CNIH3: variants seen among roughly 807,000 people sequenced by gnomAD.
CNIH3 encodes the protein protein cornichon homolog 3.
In CNIH3, 14 loss-of-function variants were observed where a neutral mutation model predicts 24.1. The ratio of observed to expected loss-of-function variants is 0.58; its 90% CI spans 0.38 to 0.91. The LOEUF is 0.91. Ranked by LOEUF, CNIH3 falls within the 40% of genes least tolerant of loss-of-function variation. The pLI, the probability that CNIH3 is intolerant of heterozygous loss-of-function variation, is 0.00. For synonymous variants in CNIH3, 68 were observed against 73.8 expected (o/e 0.92, Z 0.40); for missense variants, 178 against 196.8 (o/e 0.90, Z 0.57).
upstream of CNIH3, among the ~76,000 whole-genome samples, chr1:224,614,785 A>G (rs1682866311): frequency 6.6e-6 from 1 of 152,018 alleles, no homozygotes; most frequent in African/African-American, 2.4e-5. Context: ...CGTCTTTACT[A>G]AAAATACAAA....
chr1:224,503,846 G>A (rs1291115389), intron 1 of CNIH3, among the ~76,000 whole-genome samples: 2 of 152,244 alleles, frequency 1.3e-5, no homozygotes, highest in African/African-American at 4.8e-5. Flanking sequence ...GCTCGGGCAC[G>A]CTGTGCTGTA....
intron 1 of CNIH3, among the ~76,000 whole-genome samples, chr1:224,467,948 C>A (rs1048792949): frequency 6.6e-6 from 1 of 150,634 alleles, no homozygotes; most frequent in African/African-American, 2.4e-5. Context: ...AAGGGCCGTC[C>A]TTCCTCTATT....
chr1:224,473,281 T>C (rs192415551), intron 1 of CNIH3, among the ~76,000 whole-genome samples: 2 of 151,750 alleles, frequency 1.3e-5, no homozygotes, highest in African/African-American at 4.8e-5. Flanking sequence ...GAGAAGACCA[T>C]AAAACAACCA....
At chr1:224,551,490 C>A (rs576011579) in intron 3 of CNIH3, among the ~76,000 whole-genome samples, 2 of 152,086 alleles carry the variant, frequency 1.3e-5, no homozygotes, top group Non-Finnish European at 2.9e-5. Flanking sequence ...TATGTAATCA[C>A]CGAATATTAT....
chr1:224,437,674 G>A (rs61590597), intron 1 of CNIH3, among the ~76,000 whole-genome samples: 14,163 of 152,208 alleles, frequency 0.093, 2,052 homozygotes, highest in African/African-American at 0.31. Flanking sequence ...AAGTATAAAA[G>A]CATAGAAGAT....
At chr1:224,671,948 A>G (rs543370496) in intron 1 of CNIH3, among the ~76,000 whole-genome samples, 1 of 152,014 alleles carries the variant, frequency 6.6e-6, no homozygotes, top group African/African-American at 2.4e-5. Flanking sequence ...GTACAGAGAG[A>G]CTTTAGGACT....
intron 2 of CNIH3, among the ~76,000 whole-genome samples, chr1:224,543,306 G>A (rs1264725939): frequency 2.0e-5 from 3 of 152,162 alleles, no homozygotes; most frequent in African/African-American, 7.2e-5. Context: ...ATCTTGCCCT[G>A]TGTGTCTGTT....
intron 1 of CNIH3, among the ~76,000 whole-genome samples, chr1:224,641,465 CTCT>C (rs1259779442): frequency 6.6e-6 from 1 of 152,210 alleles, no homozygotes; most frequent in Non-Finnish European, 1.5e-5. Context: ...CTCCAGAGAA[CTCT>C]TCTTCTGGAG....
intron 1 of CNIH3, among the ~76,000 whole-genome samples, chr1:224,510,750 C>G (rs1572387516): frequency 6.6e-6 from 1 of 152,148 alleles, no homozygotes; most frequent in Admixed American, 6.5e-5. Flanking sequence ...GATGGCACAA[C>G]CAGAGTTTAC....
At chr1:224,677,670 C>G (rs975446578) in intron 1 of CNIH3, among the ~76,000 whole-genome samples, 1 of 152,228 alleles carries the variant, frequency 6.6e-6, no homozygotes, top group African/African-American at 2.4e-5. Context: ...CTGAACAGCC[C>G]CAGATCCCCT....
chr1:224,545,224 C>T lies in CNIH3; in HGVS notation n.340-1605C>T, dbSNP rs150875595. On this transcript the variant is annotated intron_variant and non_coding_transcript_variant, in intron 2 of 5. Coordinates refer to the CNIH3 transcript ENST00000471578. ...GTGTAGCTTTTGCTGTCCACCATAC[C>T]TGTAGCTCCTACACATGGTGGGGAC... Among the ~76,000 whole-genome samples the T allele has an allele frequency of 3.0e-3, 463 of 152,332 alleles. 2 individuals are homozygous for T. Among genetic ancestry groups the T allele is most frequent in the African/African-American group, 0.011 (443 of 41,572 alleles).
At chr1:224,599,482 A>G (rs1682121256) in intron 3 of CNIH3, among the ~76,000 whole-genome samples, 2 of 152,172 alleles carry the variant, frequency 1.3e-5, no homozygotes, top group African/African-American at 2.4e-5. Flanking sequence ...TTAAAAACTC[A>G]TTATGCCTTT....
chr1:224,553,322 A>G (rs925133262), intron 3 of CNIH3, among the ~76,000 whole-genome samples: 2 of 151,908 alleles, frequency 1.3e-5, no homozygotes, highest in East Asian at 3.9e-4. Context: ...AGAGTAATGT[A>G]TCTCCCTTAG....
chr1:224,602,046 T>C (rs1044317919), intron 3 of CNIH3, among the ~76,000 whole-genome samples: 3 of 152,256 alleles, frequency 2.0e-5, no homozygotes, highest in African/African-American at 7.2e-5. Flanking sequence ...TGTATATTAT[T>C]TTGGATATTA....
chr1:224,570,524 C>A (rs116549397), intron 4 of CNIH3, among the ~76,000 whole-genome samples: 3,228 of 152,024 alleles, frequency 0.021, 118 homozygotes, highest in African/African-American at 0.074. Context: ...CTGCACCTAT[C>A]TTTTTCTATT....
At chr1:224,446,212 G>GTTTTTTTT (rs35812016) in intron 1 of CNIH3, among the ~76,000 whole-genome samples, 3 of 108,896 alleles carry the variant, frequency 2.8e-5, no homozygotes, top group African/African-American at 3.3e-5. Flanking sequence ...TTTCAACTTT[G>GTTTTTTTT]TTTTTTTTTT....
intron 1 of CNIH3, among the ~76,000 whole-genome samples, chr1:224,628,725 T>A (rs1683667238): frequency 6.6e-6 from 1 of 151,978 alleles, no homozygotes; most frequent in South Asian, 2.1e-4. Flanking sequence ...ACTCGAAAGT[T>A]AACCTGAAAG....
chr1:224,441,114 C>G (rs1464814882), intron 1 of CNIH3, among the ~76,000 whole-genome samples: 2 of 152,116 alleles, frequency 1.3e-5, no homozygotes, highest in African/African-American at 4.8e-5. Flanking sequence ...CCGTGCCCGG[C>G]CAGTATGAAG....
intron 1 of CNIH3, among the ~76,000 whole-genome samples, chr1:224,452,631 C>A (rs1481405479): frequency 2.7e-5 from 4 of 150,208 alleles, no homozygotes; most frequent in Admixed American, 1.3e-4. Context: ...AATACAAAAA[C>A]ATTAGCCAGG....
Sources: allele counts gnomAD v4.1 joint callset (sites outside exome capture counted in the v4.1 genomes callset), GRCh38; gene constraint gnomAD v4.1.1; transcripts MANE v1.5; gene names NCBI Gene and HGNC (gene_info 2026-07-23, HGNC 2026-07-21).